The following SYNE1 variants were observed in gnomAD, a reference collection of about 807,000 sequenced individuals.
SYNE1 encodes nesprin-1.
SYNE1 carries 616 observed loss-of-function variants against 1,111.0 expected under a neutral mutation model. The observed-to-expected ratio is 0.55, with a 90% CI of 0.52 to 0.59. The LOEUF (loss-of-function observed/expected upper bound fraction) is 0.59. Among genes scored for constraint, SYNE1 ranks in the 20% least tolerant of loss-of-function variants. SYNE1 has a pLI of 0.00. For synonymous variants in SYNE1, 3,855 were observed against 3,825.8 expected (o/e 1.01, Z -0.28); for missense variants, 10,006 against 10,417.0 (o/e 0.96, Z 1.72).
At chr6:152,577,655 AT>A (rs2099503630) in intron 3 of SYNE1, among the ~76,000 whole-genome samples, 1 of 152,082 alleles carries the variant, frequency 6.6e-6, no homozygotes, top group African/African-American at 2.4e-5. Context: ...AGAAAAAAAA[AT>A]TCTCTAACTA....
chr6:152,218,140 C>T (rs539924338), intron 121 of SYNE1, 117 bp downstream of exon 121: 34 of 1,234,546 alleles, frequency 2.8e-5, no homozygotes, highest in Admixed American at 1.2e-4. Flanking sequence ...TGCAGTGAGC[C>T]GAGATCACAC....
In SYNE1 at chr6:152,425,595, G is replaced by A. The variant is rs749878090; in HGVS notation, c.5101-48C>T. The A allele has an allele frequency of 1.4e-5, 22 of 1,610,048 alleles. 1 individual carries two copies. The Admixed American group carries it at 3.7e-4, about 27-fold the overall frequency. On this transcript the variant is annotated intron_variant, in intron 38 of 145. Transcript: ENST00000367255. Reference sequence around the variant, plus strand: ...GATCTCATCCTAACAGGACTGAAAAGTAAGGACCATGCGGCACAGGCGGCT... The same window carrying A: ...GATCTCATCCTAACAGGACTGAAAAATAAGGACCATGCGGCACAGGCGGCT...
Position 152,143,706 on chromosome 6 carries a change from G to C in SYNE1, c.25036C>G (p.Arg8346Gly), listed in dbSNP as rs543351996. 1 of 1,614,170 alleles carries C rather than the reference G, an allele frequency of 6.2e-7. No homozygotes were observed. Among genetic ancestry groups the C allele is most frequent in the South Asian group, 1.1e-5 (1 of 91,080 alleles). The change falls in exon 138 of 146, where the codon CGT (arginine) becomes GGT (glycine). Residue 8346 changes from arginine to glycine, a missense_variant. Around this residue, in one of 7 missense-constraint regions of SYNE1, gnomAD observed 761 missense variants for 795.5 expected, o/e 0.96. Coordinates refer to ENST00000367255, the MANE Select transcript of SYNE1 (RefSeq NM_182961.4). ...RQLGKALDDS[R>G]FQIQQTENII... is the part of the protein sequence containing the mutation. ...TTTTCGGTTTGCTGTATCTGAAAAC[G>C]GCTATCATCCAGGGCTTTGCCCAGT... is the stretch of plus-strand genomic sequence containing the variant.
chr6:152,147,911 G>T, intron 137 of SYNE1, 134 bp downstream of exon 137: 1 of 804,586 alleles, frequency 1.2e-6, no homozygotes, highest in Non-Finnish European at 2.0e-6. Context: ...TCATATCTAA[G>T]TGTTCACTTA....
At chr6:152,605,066 GAGGGAGGAAAGA>G (rs1192858956) in intron 3 of SYNE1, among the ~76,000 whole-genome samples, 1 of 53,680 alleles carries the variant, frequency 1.9e-5, no homozygotes, top group Non-Finnish European at 3.7e-5. Context: ...GGGAGGGAGG[GAGGGAGGAAAGA>G]AGGAAGGAAG....
chr6:152,245,912 T>A (rs6901631), intron 105 of SYNE1, among the ~76,000 whole-genome samples: 1 of 152,092 alleles, frequency 6.6e-6, no homozygotes, highest in East Asian at 1.9e-4. Context: ...TGGACACAGC[T>A]GTGAGCTTGA....
chr6:152,434,229 A>G, intron 33 of SYNE1: 1 of 396,760 alleles, frequency 2.5e-6, no homozygotes, highest in African/African-American at 2.0e-5. Context: ...GAATCCAGGT[A>G]GAATCTAATT....
At chr6:152,360,641 A>G (rs1261114025) in intron 64 of SYNE1, among the ~76,000 whole-genome samples, 1 of 152,190 alleles carries the variant, frequency 6.6e-6, no homozygotes, top group Middle Eastern at 3.2e-3. Flanking sequence ...GACTGTTTTT[A>G]CTGCTAGAAT....
intron 86 of SYNE1, 90 bp from the exon 87 acceptor site, chr6:152,317,076 T>C (rs1231203420): frequency 7.0e-7 from 1 of 1,429,330 alleles, no homozygotes; most frequent in Admixed American, 1.7e-5. Context: ...GACACAACAG[T>C]CTTAGGGGTT....
At chr6:152,618,292 G>T (rs7758168) in intron 3 of SYNE1, among the ~76,000 whole-genome samples, 1 of 152,012 alleles carries the variant, frequency 6.6e-6, no homozygotes, top group South Asian at 2.1e-4. Flanking sequence ...CCATGAATAC[G>T]GAATCAGTGT....
At chr6:152,369,253 C>T (rs2097137074) in intron 60 of SYNE1, 126 bp from the exon 61 acceptor site, 1 of 1,379,756 alleles carries the variant, frequency 7.2e-7, no homozygotes, top group Admixed American at 2.0e-5. Flanking sequence ...GCTTTATTAT[C>T]TCCAATCTAC....
In SYNE1 at chr6:152,409,563, GA is replaced by G. The variant is rs2154170060; in HGVS notation, c.6376del (p.Ser2126ProfsTer10). 1 of 1,613,404 alleles carries G rather than the reference GA, an allele frequency of 6.2e-7. No individual in the cohort carries two copies. Among genetic ancestry groups the G allele is most frequent in the Non-Finnish European group, 8.5e-7 (1 of 1,179,904 alleles). On this transcript the variant is annotated frameshift_variant, in exon 43 of 146. Transcript: ENST00000367255. LOFTEE classifies it high-confidence loss of function. ...TAAACACATTTTGAATTTTACCTTG[GA>G]AAAAGCCCATTTAAGATCCTCCTGA... Reference protein sequence around the residue: ...KDQEDLKWAFSKHETAKNKMN... With the variant: ...KDQEDLKWAFXKHETAKNKMN...
intron 12 of SYNE1, among the ~76,000 whole-genome samples, chr6:152,485,454 G>A (rs2098934192): frequency 6.6e-6 from 1 of 152,276 alleles, no homozygotes; most frequent in South Asian, 2.1e-4. Flanking sequence ...AATTAAAGCT[G>A]TCTAGATTTG....
At chr6:152,323,383 G>A in intron 82 of SYNE1, 95 bp downstream of exon 82, 5 of 1,558,280 alleles carry the variant, frequency 3.2e-6, no homozygotes, top group Non-Finnish European at 4.3e-6. Context: ...AGCTTGCAGT[G>A]AGCCGAGATC....
intron 93 of SYNE1, among the ~76,000 whole-genome samples, chr6:152,296,417 T>G (rs2094885110): frequency 6.6e-6 from 1 of 152,222 alleles, no homozygotes; most frequent in South Asian, 2.1e-4. Context: ...GGAACCAATT[T>G]AGGAAAAAAC....
chr6:152,249,280 G>A lies in SYNE1; in HGVS notation c.19471-18C>T, dbSNP rs6557210. On this transcript the variant is annotated intron_variant, in intron 104 of 145. Transcript: ENST00000367255. ...AGATCATTCTAAGGAGGAAAGCAAC[G>A]GGAAAACTCAAAATGTGTAACAGGG... 0.64 allele frequency: 937,353 copies of A among 1,470,016 alleles called. 301,379 individuals are homozygous for A. Among genetic ancestry groups the A allele is most frequent in the East Asian group, 0.88 (38,926 of 44,298 alleles). The allele number at this position is 1,470,016 out of a possible 1,614,324, so 91.1% of individuals were successfully genotyped here.
At chr6:152,586,699 A>G (rs548652913) in intron 3 of SYNE1, among the ~76,000 whole-genome samples, 109 of 152,136 alleles carry the variant, frequency 7.2e-4, no homozygotes, top group African/African-American at 2.5e-3. Context: ...TGAAGATTTT[A>G]TACAAATCAG....
chr6:152,256,801 A>G (rs1438304124), intron 101 of SYNE1, 36 bp from the exon 102 acceptor site: 1 of 1,611,040 alleles, frequency 6.2e-7, no homozygotes, highest in Non-Finnish European at 8.5e-7. Context: ...TGAAGAGCAT[A>G]TGCATTATGT....
chr6:152,186,578 A>G (rs1168216094), intron 128 of SYNE1, among the ~76,000 whole-genome samples: 251 of 144,630 alleles, frequency 1.7e-3, no homozygotes, highest in African/African-American at 6.0e-3. Context: ...AAAAAAAAAA[A>G]AAAAAAAAAA....
Sources: gnomAD v4.1 joint callset for allele counts (sites outside exome capture counted in the v4.1 genomes callset) on GRCh38, gnomAD v4.1.1 for gene constraint, gnomAD v4.1.1 regional missense constraint, MANE v1.5 for transcripts, NCBI Gene and HGNC (gene_info 2026-07-23, HGNC 2026-07-21) for gene names.